Variants in SGCZ observed in about 807,000 individuals in gnomAD.
SGCZ encodes the protein zeta-sarcoglycan.
Under a neutral mutation model 41.3 loss-of-function variants are expected in SGCZ, and 40 were observed. That is an observed-to-expected ratio of 0.97 (90% CI 0.75 to 1.26). SGCZ has a LOEUF of 1.26. Ranked by LOEUF, SGCZ falls within the 50% of genes most tolerant of loss-of-function variation. The probability of loss-of-function intolerance (pLI) is 0.00; values close to 1 mark genes in which losing one functional copy is unlikely to be tolerated. For missense variants in SGCZ, 552 were observed against 369.8 expected, an observed-to-expected ratio of 1.49 and a Z score of -4.04; for synonymous variants, 206 against 137.5, an observed-to-expected ratio of 1.50 and a Z score of -3.49.
chr8:15,024,264 T>C (rs1022917265), intron 1 of SGCZ, among the ~76,000 whole-genome samples: 9 of 152,178 alleles, frequency 5.9e-5, no homozygotes, highest in Non-Finnish European at 1.0e-4. Flanking sequence ...CCATGAAATA[T>C]TAACAAATTT....
intron 1 of SGCZ, among the ~76,000 whole-genome samples, chr8:14,618,562 G>C (rs149568222): frequency 6.6e-6 from 1 of 152,300 alleles, no homozygotes; most frequent in Admixed American, 6.5e-5. Flanking sequence ...GTGGAAATAG[G>C]TCAGGCAGCC....
intron 5 of SGCZ, among the ~76,000 whole-genome samples, chr8:14,133,945 T>C (rs977307335): frequency 1.3e-5 from 2 of 152,222 alleles, no homozygotes; most frequent in Non-Finnish European, 2.9e-5. Context: ...AGAACATTTA[T>C]TTCCTCAGGC....
chr8:14,894,549 C>T (rs2130748216), intron 1 of SGCZ, among the ~76,000 whole-genome samples: 1 of 152,250 alleles, frequency 6.6e-6, no homozygotes, highest in Non-Finnish European at 1.5e-5. Flanking sequence ...TGAACAGGAG[C>T]TTATCTTTGC....
intron 1 of SGCZ, among the ~76,000 whole-genome samples, chr8:14,826,440 G>A (rs551280773): frequency 8.5e-4 from 129 of 152,140 alleles, no homozygotes; most frequent in African/African-American, 3.1e-3. Flanking sequence ...ATCCTTTGGG[G>A]ATATACCCAG....
Position 14,962,235 on chromosome 8 carries a change from A to G in SGCZ, c.39+275350T>C, listed in dbSNP as rs553409439. Among the ~76,000 whole-genome samples the G allele has an allele frequency of 2.7e-3, 417 of 152,238 alleles. 3 individuals are homozygous for G. Among genetic ancestry groups the G allele is most frequent in the African/African-American group, 9.6e-3 (399 of 41,554 alleles). On this transcript the variant is annotated intron_variant, in intron 1 of 7. Transcript: ENST00000382080. ...TCTCTGTTTCACTCCAGAGCTGAAG[A>G]CTTCTCATATAGACAACAGTTTATA...
intron 1 of SGCZ, among the ~76,000 whole-genome samples, chr8:14,695,482 C>A (rs1272405016): frequency 6.6e-6 from 1 of 152,004 alleles, no homozygotes; most frequent in Non-Finnish European, 1.5e-5. Flanking sequence ...TCTATTATGG[C>A]AGGATGGAGT....
chr8:14,812,582 T>C (rs901236378), intron 1 of SGCZ, among the ~76,000 whole-genome samples: 21 of 152,236 alleles, frequency 1.4e-4, no homozygotes, highest in Non-Finnish European at 1.2e-4. Context: ...TGTTTTGTAA[T>C]ATCATAACCT....
chr8:14,270,509 G>A (rs1011520656), intron 3 of SGCZ, among the ~76,000 whole-genome samples: 52 of 152,002 alleles, frequency 3.4e-4, no homozygotes, highest in African/African-American at 1.0e-3. Flanking sequence ...CCAAGCTTCA[G>A]GCTAAACAGA....
At chr8:15,215,943 T>C (rs1226073943) in intron 1 of SGCZ, among the ~76,000 whole-genome samples, 1 of 152,212 alleles carries the variant, frequency 6.6e-6, no homozygotes, top group Non-Finnish European at 1.5e-5. Context: ...TGCATTCTGT[T>C]TGAATATTGG....
At chr8:14,657,019 T>TAA (rs371013019) in intron 1 of SGCZ, among the ~76,000 whole-genome samples, 1 of 151,776 alleles carries the variant, frequency 6.6e-6, no homozygotes, top group African/African-American at 2.4e-5. Context: ...GTTCAAAACT[T>TAA]AAAAAAAATA....
At chr8:14,738,561 C>T (rs937143521) in intron 1 of SGCZ, among the ~76,000 whole-genome samples, 1 of 152,080 alleles carries the variant, frequency 6.6e-6, no homozygotes, top group Non-Finnish European at 1.5e-5. Flanking sequence ...ATTTCCTCTG[C>T]AGTTACCATT....
chr8:14,973,639 A>G (rs1007231223), intron 1 of SGCZ, among the ~76,000 whole-genome samples: 1 of 152,210 alleles, frequency 6.6e-6, no homozygotes, highest in Admixed American at 6.5e-5. Context: ...GTGTCCCACA[A>G]TCAAAAGCTC....
intron 3 of SGCZ, among the ~76,000 whole-genome samples, chr8:14,256,786 A>C (rs897423669): frequency 3.9e-5 from 6 of 152,178 alleles, no homozygotes; most frequent in African/African-American, 1.4e-4. Flanking sequence ...CTGAGTTATC[A>C]ACTTTCCGGG....
At chr8:14,487,876 G>A (rs1239289030) in intron 2 of SGCZ, 3 of 149,712 alleles carry the variant, frequency 2.0e-5, no homozygotes, top group Non-Finnish European at 3.0e-5. Flanking sequence ...CAACCGAAGT[G>A]AGCGTCTTAA....
chr8:14,262,565 T>C (rs1315261057), intron 3 of SGCZ, among the ~76,000 whole-genome samples: 5 of 151,954 alleles, frequency 3.3e-5, no homozygotes, highest in African/African-American at 1.2e-4. Context: ...CTATAAAAAT[T>C]ATTCTAATTT....
Position 14,380,007 on chromosome 8 carries a change from C to T in SGCZ, c.235-55803G>A, listed in dbSNP as rs561135549. On this transcript the variant is annotated intron_variant, in intron 2 of 7. Transcript: ENST00000382080. ...CTCGGCCTCCGAAGTGCTGGGATTA[C>T]AGGTGTGAGCCATGGCACCCGGCCA... Among the ~76,000 whole-genome samples the T allele has an allele frequency of 3.9e-5, 6 of 152,264 alleles. No homozygotes were observed. In the South Asian group the frequency reaches 1.0e-3, roughly 26 times the overall value.
At chr8:14,229,051 A>C (rs1806471274) in intron 4 of SGCZ, among the ~76,000 whole-genome samples, 1 of 152,098 alleles carries the variant, frequency 6.6e-6, no homozygotes, top group Admixed American at 6.6e-5. Context: ...GAGAAGGAGC[A>C]AGCCAGCAAA....
In SGCZ at chr8:14,407,889, A is replaced by G. The variant is rs1280853934; in HGVS notation, c.235-83685T>C. 2.0e-5 allele frequency among the ~76,000 whole-genome samples: 3 copies of G among 152,200 alleles called. No homozygotes were observed. In the East Asian group the frequency reaches 5.8e-4, roughly 29 times the overall value. ...AAGAAGTGATTGAATGCTGGCTGTC[A>G]GGAGAAAAGGAACCTCTTGAGTCTC... On this transcript the variant is annotated intron_variant, in intron 2 of 7. Transcript: ENST00000382080.
intron 2 of SGCZ, among the ~76,000 whole-genome samples, chr8:14,428,209 C>A (rs1186057305): frequency 1.3e-5 from 2 of 151,202 alleles, no homozygotes; most frequent in Non-Finnish European, 2.9e-5. Flanking sequence ...CACATAATTA[C>A]CTATATTATA....
Sources: allele counts gnomAD v4.1 joint callset (sites outside exome capture counted in the v4.1 genomes callset), GRCh38; gene constraint gnomAD v4.1.1; transcripts MANE v1.5; gene names NCBI Gene and HGNC (gene_info 2026-07-23, HGNC 2026-07-21).